WNT7A: variants seen among roughly 807,000 people sequenced by gnomAD.
The protein encoded by WNT7A is Wnt family member 7A, also known as protein Wnt-7a.
WNT7A carries 16 observed loss-of-function variants against 28.2 expected under a neutral mutation model. That is an observed-to-expected ratio of 0.57 (90% CI 0.38 to 0.86). The LOEUF is 0.86. Ranked by LOEUF, WNT7A falls within the 40% of genes least tolerant of loss-of-function variation. The probability of loss-of-function intolerance (pLI) is 0.00; values close to 1 mark genes in which losing one functional copy is unlikely to be tolerated. For missense variants in WNT7A, 411 were observed against 489.7 expected (o/e 0.84, Z 1.52); for synonymous variants, 190 against 195.9 (o/e 0.97, Z 0.25).
intron 3 of WNT7A, among the ~76,000 whole-genome samples, chr3:13,849,722 T>A (rs1435107502): frequency 6.6e-6 from 1 of 152,010 alleles, no homozygotes; most frequent in East Asian, 1.9e-4. Context: ...GGGAGGGAAG[T>A]CAGGGAGGAC....
rs1048424793 is a variant in WNT7A, at chr3:13,845,015, C to G, written c.570+9517G>C. On this transcript the variant is annotated intron_variant, in intron 3 of 3. Transcript: ENST00000285018. ...CGGTGTGCGTCTTTTGACTTGATCTCACTGTGGTGTAACTGAGCCCCTGAC... is the reference window on the plus strand; with the variant it reads ...CGGTGTGCGTCTTTTGACTTGATCTGACTGTGGTGTAACTGAGCCCCTGAC... Among the ~76,000 whole-genome samples the G allele has an allele frequency of 3.9e-5, 6 of 152,352 alleles. No individual in the cohort carries two copies. The East Asian group carries it at 1.2e-3, about 29-fold the overall frequency.
chr3:13,824,659 G>A (rs1010025212), intron 3 of WNT7A, among the ~76,000 whole-genome samples: 4 of 152,112 alleles, frequency 2.6e-5, no homozygotes, highest in African/African-American at 7.2e-5. Context: ...TGCTCTCTCC[G>A]CAGCAGCTGC....
chr3:13,856,975 A>AGAAGGAGAAGG lies in WNT7A; in HGVS notation c.299-2173_299-2172insCCTTCTCCTTC, dbSNP rs1559303410. The stretch of plus-strand genomic sequence containing the variant: ...GAAGAAGAAGAAGAAGAAGGAGAAG[A>AGAAGGAGAAGG]AGAAGAAGAAGGAGAAGAAGAAGAA... On this transcript the variant is annotated intron_variant, in intron 2 of 3. Transcript: ENST00000285018. Among the ~76,000 whole-genome samples, 152 of 96,990 alleles carry AGAAGGAGAAGG rather than the reference A, an allele frequency of 1.6e-3. 1 individual carries two copies. The highest frequency in any genetic ancestry group is 4.8e-3 in the Middle Eastern group (1 of 210). The allele number at this position is 96,990 out of a possible 152,430, so 63.6% of individuals were successfully genotyped here. A position where few individuals can be genotyped will look rare whatever the true frequency, so the allele number is the denominator to read the frequency against.
chr3:13,827,902 A>G lies in WNT7A; in HGVS notation c.571-8479T>C, dbSNP rs149004481. ...TGCCCTACTCCAGGAATGTGCCCCCATTCATCTCCGCAGGCCCAGCCCAAC... is the reference window on the plus strand; with the variant it reads ...TGCCCTACTCCAGGAATGTGCCCCCGTTCATCTCCGCAGGCCCAGCCCAAC... On this transcript the variant is annotated intron_variant, in intron 3 of 3. Coordinates refer to ENST00000285018, the MANE Select transcript of WNT7A (RefSeq NM_004625.4). Among the ~76,000 whole-genome samples, 124 of 152,104 alleles carry G rather than the reference A, an allele frequency of 8.2e-4. 1 individual carries two copies. Among genetic ancestry groups the G allele is most frequent in the African/African-American group, 2.7e-3 (113 of 41,526 alleles).
At chr3:13,870,795 C>T (rs1695016041) in intron 2 of WNT7A, among the ~76,000 whole-genome samples, 1 of 152,226 alleles carries the variant, frequency 6.6e-6, no homozygotes, top group South Asian at 2.1e-4. Flanking sequence ...CCTGGGGTTG[C>T]CGGATGCCAA....
intron 2 of WNT7A, among the ~76,000 whole-genome samples, chr3:13,867,883 T>G (rs1694936864): frequency 6.6e-6 from 1 of 152,192 alleles, no homozygotes; most frequent in Non-Finnish European, 1.5e-5. Flanking sequence ...CAAATCAGGA[T>G]GCTGTTAGAT....
At chr3:13,850,575 G>A (rs757547732) in intron 3 of WNT7A, among the ~76,000 whole-genome samples, 8 of 152,136 alleles carry the variant, frequency 5.3e-5, no homozygotes, top group Non-Finnish European at 8.8e-5. Context: ...AGCAAGAGGC[G>A]CATTCCAGCA....
chr3:13,831,480 C>T (rs1209685329), intron 3 of WNT7A, among the ~76,000 whole-genome samples: 1 of 152,140 alleles, frequency 6.6e-6, no homozygotes, highest in Non-Finnish European at 1.5e-5. Context: ...GGTGGGTGGG[C>T]TAGGATGGCC....
At chr3:13,871,781 C>T (rs1695029528) in intron 2 of WNT7A, among the ~76,000 whole-genome samples, 1 of 152,116 alleles carries the variant, frequency 6.6e-6, no homozygotes, top group African/African-American at 2.4e-5. Flanking sequence ...CATGCTTTTG[C>T]CAGCAGCCAG....
In WNT7A at chr3:13,841,465, C is replaced by T. The variant is rs967632163; in HGVS notation, c.570+13067G>A. On this transcript the variant is annotated intron_variant, in intron 3 of 3. Coordinates refer to ENST00000285018, the MANE Select transcript of WNT7A (RefSeq NM_004625.4). ...ATCAACTGTATGACTTTGGGCGAGT[C>T]GCTGAACCGCTCTGTGCCTCAGTTT... Among the ~76,000 whole-genome samples the T allele has an allele frequency of 4.6e-5, 7 of 152,182 alleles. No individual in the cohort carries two copies. The East Asian group carries it at 1.3e-3, about 29-fold the overall frequency.
Position 13,854,694 on chromosome 3 carries a change from C to T in WNT7A, c.408G>A (p.Glu136=), listed in dbSNP as rs759663787. 5.6e-6 allele frequency: 9 copies of T among 1,614,024 alleles called. No homozygotes were observed. In the East Asian group the frequency reaches 1.8e-4, roughly 32 times the overall value. Residue 136 remains glutamate (E), a synonymous_variant, in exon 3 of 4, where the codon GAG becomes GAA. Transcript: ENST00000285018. ...CGTCCCGGTGGTACTGGCCTTGCTT[C>T]TCTTTGTCGCAGCCACAGTCGCTCA... ...GNLSDCGCDK[E]KQGQYHRDEG...
At chr3:13,856,682 G>T (rs1376780882) in intron 2 of WNT7A, among the ~76,000 whole-genome samples, 1 of 152,044 alleles carries the variant, frequency 6.6e-6, no homozygotes, top group Non-Finnish European at 1.5e-5. Context: ...GCTGGGCATG[G>T]TGACACATGC....
At chr3:13,828,964 A>G (rs1444510394) in intron 3 of WNT7A, among the ~76,000 whole-genome samples, 2 of 152,172 alleles carry the variant, frequency 1.3e-5, no homozygotes, top group Non-Finnish European at 2.9e-5. Flanking sequence ...CCAAGGGAAC[A>G]TGGCACACTC....
chr3:13,874,980 C>T lies in WNT7A; in HGVS notation c.265G>A (p.Glu89Lys). ...AGCTCCTTCCCGAAGACGGTGCGCT[C>T]TCCCAGTGCAGAGCAGTTCCAGCGG... ...NGRWNCSALG[E>K]RTVFGKELKV... is the part of the protein sequence containing the mutation. Residue 89 changes from glutamate (E) to lysine (K), a missense_variant, in exon 2 of 4, where the codon GAG (glutamate) becomes AAG (lysine). Transcript: ENST00000285018. The T allele has an allele frequency of 1.9e-6, 3 of 1,614,190 alleles. No individual in the cohort carries two copies. The East Asian group carries it at 6.7e-5, about 36-fold the overall frequency.
Position 13,819,317 on chromosome 3 carries a change from T to C in WNT7A, c.677A>G (p.Tyr226Cys). 5.6e-6 allele frequency: 9 copies of C among 1,613,502 alleles called. No individual in the cohort carries two copies. Among genetic ancestry groups the C allele is most frequent in the Non-Finnish European group, 7.6e-6 (9 of 1,179,522 alleles). ...CTCGTTGTACTTGTCCTTGAGCACG[T>C]AGCCCAGCTCCCGAAACTGTGGCAG... ...TTLPQFRELG[Y>C]VLKDKYNEAV... is the part of the protein sequence containing the mutation. Residue 226 changes from tyrosine (Y) to cysteine (C), a missense_variant, in exon 4 of 4, where the codon TAC becomes TGC. By Grantham distance (194) the Tyr-to-Cys change is radical. Coordinates refer to ENST00000285018, the MANE Select transcript of WNT7A (RefSeq NM_004625.4).
At chr3:13,834,242 T>C (rs1342878544) in intron 3 of WNT7A, among the ~76,000 whole-genome samples, 1 of 152,130 alleles carries the variant, frequency 6.6e-6, no homozygotes, top group East Asian at 1.9e-4. Context: ...AAGTCCCTAT[T>C]GATTGGAGAT....
At chr3:13,829,708 G>A (rs1694247687) in intron 3 of WNT7A, among the ~76,000 whole-genome samples, 1 of 152,138 alleles carries the variant, frequency 6.6e-6, no homozygotes, top group Non-Finnish European at 1.5e-5. Flanking sequence ...GGGGACAGAG[G>A]GAGACAAGGA....
chr3:13,857,425 C>T (rs1310781897), intron 2 of WNT7A, among the ~76,000 whole-genome samples: 1 of 152,204 alleles, frequency 6.6e-6, no homozygotes, highest in Non-Finnish European at 1.5e-5. Flanking sequence ...AAGTCTGCAC[C>T]TGTCCCCACC....
At chr3:13,878,584 A>G (rs907069535) in intron 1 of WNT7A, among the ~76,000 whole-genome samples, 1 of 152,106 alleles carries the variant, frequency 6.6e-6, no homozygotes, top group Non-Finnish European at 1.5e-5. Context: ...CGGCCGGACA[A>G]CTTGCGAAAT....
Sources: gnomAD v4.1 joint callset for allele counts (sites outside exome capture counted in the v4.1 genomes callset) on GRCh38, gnomAD v4.1.1 for gene constraint, MANE v1.5 for transcripts, NCBI Gene and HGNC (gene_info 2026-07-23, HGNC 2026-07-21) for gene names.